PCDH15: variants seen among roughly 807,000 people sequenced by gnomAD.
The protein encoded by PCDH15 is protocadherin-15.
PCDH15 carries 129 observed loss-of-function variants against 178.5 expected under a neutral mutation model. The observed-to-expected ratio is 0.72, with a 90% CI of 0.63 to 0.84. The LOEUF (loss-of-function observed/expected upper bound fraction) is 0.84. Ranked by LOEUF, PCDH15 falls within the 40% of genes least tolerant of loss-of-function variation. The pLI, the probability that PCDH15 is intolerant of heterozygous loss-of-function variation, is 0.00. For missense variants in PCDH15, 2,230 were observed against 2,099.9 expected (o/e 1.06, Z -1.21); for synonymous variants, 800 against 732.0 (o/e 1.09, Z -1.50).
rs191172135 is a variant in PCDH15 at position 53,927,577 on chromosome 10, G to A, written c.3373+11238C>T. The stretch of plus-strand genomic sequence containing the variant: ...AAACGATAAATATCAAAAAGGTGGA[G>A]TAGTACAACAATAGATATTATAACA... On this transcript the variant is annotated intron_variant, in intron 25 of 37. Transcript: ENST00000644397. Among the ~76,000 whole-genome samples, 292 of 152,210 alleles carry A rather than the reference G, an allele frequency of 1.9e-3. 2 individuals are homozygous for A. The highest frequency in any genetic ancestry group is 3.3e-3 in the Admixed American group (50 of 15,286).
intron 3 of PCDH15, among the ~76,000 whole-genome samples, chr10:54,499,777 A>G (rs982928481): frequency 2.0e-5 from 3 of 152,146 alleles, no homozygotes; most frequent in Admixed American, 1.3e-4. Flanking sequence ...GGAAAAAAAG[A>G]TCAAACCAAC....
chr10:54,447,874 A>T (rs1289113137), intron 3 of PCDH15, among the ~76,000 whole-genome samples: 2 of 151,746 alleles, frequency 1.3e-5, no homozygotes, highest in Non-Finnish European at 3.0e-5. Context: ...AAAGACTGTG[A>T]AAACAAAACC....
At chr10:55,027,430 AG>A (rs1183744615) in intron 2 of PCDH15, among the ~76,000 whole-genome samples, 6 of 151,542 alleles carry the variant, frequency 4.0e-5, no homozygotes, top group African/African-American at 1.5e-4. Context: ...GAGGTGAATG[AG>A]GGGGTGGGGA....
At chr10:55,325,895 A>G (rs1844017374) in intron 2 of PCDH15, among the ~76,000 whole-genome samples, 1 of 152,166 alleles carries the variant, frequency 6.6e-6, no homozygotes. Flanking sequence ...CGACAAGCAT[A>G]AAAGAAACAA....
chr10:53,993,217 G>T (rs1389459427), intron 21 of PCDH15, among the ~76,000 whole-genome samples: 3 of 152,134 alleles, frequency 2.0e-5, no homozygotes, highest in African/African-American at 7.2e-5. Context: ...GAGATATTAA[G>T]AATTTTTTCT....
At chr10:54,176,192 G>A (rs1417264620) in intron 13 of PCDH15, among the ~76,000 whole-genome samples, 2 of 152,090 alleles carry the variant, frequency 1.3e-5, no homozygotes, top group Admixed American at 1.3e-4. Context: ...AATTCCTACT[G>A]TGTGTAAGTC....
intron 2 of PCDH15, among the ~76,000 whole-genome samples, chr10:54,587,501 T>C (rs2133883337): frequency 6.7e-6 from 1 of 150,082 alleles, no homozygotes; most frequent in Non-Finnish European, 1.5e-5. Context: ...TGTATCAGGC[T>C]AAGTGACGCC....
At chr10:55,255,017 A>G (rs1445411901) in intron 1 of PCDH15, among the ~76,000 whole-genome samples, 2 of 152,088 alleles carry the variant, frequency 1.3e-5, no homozygotes, top group African/African-American at 4.8e-5. Flanking sequence ...TTAGTTACAT[A>G]TGTATACATG....
rs762539158 is a variant in PCDH15 at position 54,213,961 on chromosome 10, T to C, written c.1073A>G (p.His358Arg). ...CTTAATAACCAAATCAAATTTCTGG[T>C]GAAAGTCTCTGTTTACTGGCTCCAG... ...SLLEPVNRDF[H>R]QKFDLVIKAE... The change falls in exon 10 of 38, where the codon CAC becomes CGC. Residue 358 changes from histidine to arginine, a missense_variant. His to Arg is a conservative substitution (Grantham distance 29, BLOSUM62 0). Coordinates refer to ENST00000644397, the MANE Select transcript of PCDH15 (RefSeq NM_001384140.1). The C allele has an allele frequency of 6.2e-7, 1 of 1,603,710 alleles. No individual in the cohort carries two copies.
At chr10:55,420,802 C>A (rs964411012) in intron 2 of PCDH15, among the ~76,000 whole-genome samples, 1 of 151,530 alleles carries the variant, frequency 6.6e-6, no homozygotes, top group Non-Finnish European at 1.5e-5. Flanking sequence ...AACTACAAAT[C>A]AGTATTTACT....
At chr10:55,102,428 T>A (rs1842595712) in intron 2 of PCDH15, among the ~76,000 whole-genome samples, 2 of 152,096 alleles carry the variant, frequency 1.3e-5, no homozygotes, top group South Asian at 4.1e-4. Context: ...TATACTCTGT[T>A]TTTTTAATAC....
intron 3 of PCDH15, among the ~76,000 whole-genome samples, chr10:54,429,904 CCTA>C (rs1371211135): frequency 3.3e-5 from 5 of 152,032 alleles, no homozygotes; most frequent in Non-Finnish European, 7.4e-5. Flanking sequence ...ACTTCAACAC[CCTA>C]CTTTCTGCAT....
chr10:54,849,799 T>C (rs904696108), intron 3 of PCDH15, among the ~76,000 whole-genome samples: 1 of 152,024 alleles, frequency 6.6e-6, no homozygotes, highest in African/African-American at 2.4e-5. Context: ...ACTTCCAGAG[T>C]GGAAGTCTTG....
intron 20 of PCDH15, among the ~76,000 whole-genome samples, chr10:54,001,792 AG>A (rs1453119093): frequency 6.6e-6 from 1 of 152,070 alleles, no homozygotes; most frequent in African/African-American, 2.4e-5. Flanking sequence ...AACGGATTAA[AG>A]AAAAAAAAGA....
intron 21 of PCDH15, among the ~76,000 whole-genome samples, chr10:53,963,448 C>G (rs561535324): frequency 2.6e-5 from 4 of 152,232 alleles, no homozygotes; most frequent in African/African-American, 9.6e-5. Context: ...GGCTCTGTTT[C>G]AAGAACTTCT....
At position 53,891,863 on chromosome 10, in the gene PCDH15, G is replaced by A. The variant is rs187549909; in HGVS notation, c.3501+11380C>T. Reference sequence around the variant, plus strand: ...TTTCACCTGTAATCCCAGCTACTTGGGATGCTGAGGCAGGGGAATTGCTTG... The same window carrying A: ...TTTCACCTGTAATCCCAGCTACTTGAGATGCTGAGGCAGGGGAATTGCTTG... On this transcript the variant is annotated intron_variant, in intron 26 of 37. Coordinates refer to ENST00000644397, the MANE Select transcript of PCDH15 (RefSeq NM_001384140.1). Among the ~76,000 whole-genome samples, 710 of 151,868 alleles carry A rather than the reference G, an allele frequency of 4.7e-3. 7 individuals are homozygous for A. The highest frequency in any genetic ancestry group is 0.016 in the African/African-American group (678 of 41,418).
chr10:54,320,380 T>C (rs1223657175), intron 7 of PCDH15, among the ~76,000 whole-genome samples: 2 of 152,050 alleles, frequency 1.3e-5, no homozygotes, highest in African/African-American at 2.4e-5. Flanking sequence ...CCTTCTTCTT[T>C]AGCTGTTTAA....
intron 3 of PCDH15, among the ~76,000 whole-genome samples, chr10:54,846,539 C>G (rs1338499377): frequency 1.3e-5 from 2 of 152,152 alleles, no homozygotes; most frequent in Non-Finnish European, 2.9e-5. Context: ...ATCCGGCAAT[C>G]TACCATTCGG....
intron 3 of PCDH15, among the ~76,000 whole-genome samples, chr10:54,429,949 A>T (rs1168889630): frequency 6.6e-6 from 1 of 152,116 alleles, no homozygotes; most frequent in Non-Finnish European, 1.5e-5. Flanking sequence ...ATCAGGAAAG[A>T]GACATTAGAC....
Sources: allele counts gnomAD v4.1 joint callset (sites outside exome capture counted in the v4.1 genomes callset), GRCh38; gene constraint gnomAD v4.1.1; transcripts MANE v1.5; gene names NCBI Gene and HGNC (gene_info 2026-07-23, HGNC 2026-07-21).